The following TEAD1 variants were observed in gnomAD, a reference collection of about 807,000 sequenced individuals.
TEAD1 encodes the protein transcriptional enhancer factor TEF-1.
In TEAD1, 9 loss-of-function variants were observed where a neutral mutation model predicts 54.9. The observed-to-expected ratio is 0.16, with a 90% CI of 0.10 to 0.29. The LOEUF is 0.29. Ranked by LOEUF, TEAD1 falls within the 10% of genes least tolerant of loss-of-function variation. The pLI, the probability that TEAD1 is intolerant of heterozygous loss-of-function variation, is 1.00. For missense variants in TEAD1, 387 were observed against 535.9 expected (o/e 0.72, Z 2.74); for synonymous variants, 200 against 187.8 (o/e 1.07, Z -0.53).
intron 9 of TEAD1, among the ~76,000 whole-genome samples, chr11:12,898,674 G>A (rs1458379958): frequency 1.3e-5 from 2 of 152,184 alleles, no homozygotes; most frequent in Admixed American, 6.5e-5. Context: ...GATTACAGGT[G>A]TGAGCCACCA....
intron 3 of TEAD1, among the ~76,000 whole-genome samples, chr11:12,831,090 A>G (rs1439533085): frequency 6.6e-6 from 1 of 152,170 alleles, no homozygotes; most frequent in Non-Finnish European, 1.5e-5. Flanking sequence ...GCTTTGGCAG[A>G]CGAAGCTCTC....
chr11:12,807,366 G>A (rs1339570579), intron 3 of TEAD1, among the ~76,000 whole-genome samples: 1 of 152,182 alleles, frequency 6.6e-6, no homozygotes, highest in Non-Finnish European at 1.5e-5. Flanking sequence ...GTAACACAGG[G>A]TAGGGGGCAG....
chr11:12,756,078 A>C (rs931618500), intron 2 of TEAD1, among the ~76,000 whole-genome samples: 2 of 152,214 alleles, frequency 1.3e-5, no homozygotes. Flanking sequence ...GGAGCGGAGA[A>C]TTAATCAGGG....
intron 3 of TEAD1, among the ~76,000 whole-genome samples, chr11:12,840,774 C>A (rs184885579): frequency 2.0e-3 from 304 of 152,300 alleles, no homozygotes; most frequent in Non-Finnish European, 3.2e-3. Flanking sequence ...TGGTGGCTTT[C>A]TGCACGGGCC....
At chr11:12,725,435 G>A (rs533270212) in intron 2 of TEAD1, among the ~76,000 whole-genome samples, 8 of 152,260 alleles carry the variant, frequency 5.3e-5, no homozygotes, top group Middle Eastern at 3.4e-3. Flanking sequence ...TAACAACAAC[G>A]TATTGTGTAT....
intron 3 of TEAD1, chr11:12,851,062 G>A (rs1947263814): frequency 5.1e-6 from 5 of 973,276 alleles, no homozygotes; most frequent in Middle Eastern, 5.2e-4. Flanking sequence ...TCTTTTCTTC[G>A]GATTTTCTTT....
chr11:12,709,713 G>A (rs756766469), intron 2 of TEAD1, among the ~76,000 whole-genome samples: 5 of 152,060 alleles, frequency 3.3e-5, no homozygotes, highest in Non-Finnish European at 7.4e-5. Context: ...TGTAGGGATA[G>A]GGTCTTGCTC....
chr11:12,847,525 A>T (rs1041054419), intron 3 of TEAD1, among the ~76,000 whole-genome samples: 6 of 151,990 alleles, frequency 3.9e-5, no homozygotes, highest in Non-Finnish European at 7.4e-5. Flanking sequence ...ATTTCACACA[A>T]AGGAAATAGC....
intron 3 of TEAD1, among the ~76,000 whole-genome samples, chr11:12,852,062 A>G (rs1947285456): frequency 6.6e-6 from 1 of 152,208 alleles, no homozygotes; most frequent in Admixed American, 6.5e-5. Flanking sequence ...GTATACAGGA[A>G]TGAATAGGAC....
intron 2 of TEAD1, among the ~76,000 whole-genome samples, chr11:12,715,480 G>C (rs970663975): frequency 3.9e-5 from 6 of 152,130 alleles, no homozygotes; most frequent in Non-Finnish European, 7.4e-5. Context: ...GGTTGCCTTC[G>C]TTTCACCTGG....
intron 6 of TEAD1, 104 bp downstream of exon 6, chr11:12,879,946 T>C: frequency 6.4e-7 from 1 of 1,550,472 alleles, no homozygotes; most frequent in Non-Finnish European, 8.8e-7. Context: ...GGGTCAGGTA[T>C]GTGAGAGGGC....
rs10549378 is a variant in TEAD1, at chr11:12,885,234, C to CTT, written c.699+2127_699+2128dup. ...CAGTTTTGAGGGTCTCTTGAATTGT[C>CTT]TTTTTTTTTTTTTTTTTTTGAGACA... On this transcript the variant is annotated intron_variant, in intron 9 of 12. Coordinates refer to ENST00000527636, the MANE Select transcript of TEAD1 (RefSeq NM_021961.6). Among the ~76,000 whole-genome samples the CTT allele has an allele frequency of 4.8e-5, 5 of 105,054 alleles. No individual in the cohort carries two copies. The South Asian group carries it at 8.8e-4, about 19-fold the overall frequency. 68.9% of individuals were successfully genotyped at this position (105,054 alleles called of 152,430 possible). A position where few individuals can be genotyped will look rare whatever the true frequency, so the allele number is the denominator to read the frequency against.
At chr11:12,835,912 T>C (rs1420284670) in intron 3 of TEAD1, among the ~76,000 whole-genome samples, 1 of 152,176 alleles carries the variant, frequency 6.6e-6, no homozygotes, top group African/African-American at 2.4e-5. Flanking sequence ...AGTGATCTCT[T>C]GCACAGCATA....
chr11:12,851,237 AGAG>A (rs1233580377), intron 3 of TEAD1, among the ~76,000 whole-genome samples: 2 of 152,230 alleles, frequency 1.3e-5, no homozygotes, highest in African/African-American at 4.8e-5. Context: ...ACTAAGAACC[AGAG>A]GAGGAGAGAG....
chr11:12,845,026 C>T lies in TEAD1; in HGVS notation c.203-17224C>T, dbSNP rs528611705. On this transcript the variant is annotated intron_variant, in intron 3 of 12. Coordinates refer to ENST00000527636, the MANE Select transcript of TEAD1 (RefSeq NM_021961.6). ...TGTCGCCCAGGCTAAAGTGCAGTGG[C>T]GCAATCTTGGCTCACTGCAACCTCT... Among the ~76,000 whole-genome samples the T allele has an allele frequency of 5.6e-5, 7 of 125,660 alleles. No individual in the cohort carries two copies. In the East Asian group the frequency reaches 1.0e-3, roughly 18 times the overall value. The allele number at this position is 125,660 out of a possible 152,430, so 82.4% of individuals were successfully genotyped here.
chr11:12,811,915 C>G (rs1190868324), intron 3 of TEAD1, among the ~76,000 whole-genome samples: 1 of 151,974 alleles, frequency 6.6e-6, no homozygotes, highest in Non-Finnish European at 1.5e-5. Context: ...TGTTGTAGAT[C>G]GAACTTCTCC....
At chr11:12,895,534 G>A (rs930777004) in intron 9 of TEAD1, among the ~76,000 whole-genome samples, 4 of 152,206 alleles carry the variant, frequency 2.6e-5, no homozygotes, top group East Asian at 3.8e-4. Flanking sequence ...CTCCTTTAAA[G>A]CCCAAGGAAC....
At chr11:12,722,616 G>A (rs1391548962) in intron 2 of TEAD1, among the ~76,000 whole-genome samples, 1 of 151,132 alleles carries the variant, frequency 6.6e-6, no homozygotes, top group African/African-American at 2.4e-5. Flanking sequence ...GAGTTGAGTC[G>A]CTGCATATAT....
At chr11:12,699,673 A>G (rs1461467859) in intron 2 of TEAD1, among the ~76,000 whole-genome samples, 3 of 152,218 alleles carry the variant, frequency 2.0e-5, no homozygotes, top group South Asian at 4.1e-4. Context: ...GGAAGTTTCC[A>G]TGTCTCTTTA....
Sources: gnomAD v4.1 joint callset for allele counts (sites outside exome capture counted in the v4.1 genomes callset) on GRCh38, gnomAD v4.1.1 for gene constraint, MANE v1.5 for transcripts, NCBI Gene and HGNC (gene_info 2026-07-23, HGNC 2026-07-21) for gene names.